Variants in CPNE4 observed in about 807,000 individuals in gnomAD.
CPNE4 encodes the protein copine-4.
Under a neutral mutation model 67.9 loss-of-function variants are expected in CPNE4, and 25 were observed. The observed-to-expected ratio is 0.37, with a 90% CI of 0.27 to 0.51. The LOEUF (loss-of-function observed/expected upper bound fraction) is 0.51, where lower values mean the gene tolerates loss of function less well. Among genes scored for constraint, CPNE4 ranks in the 20% least tolerant of loss-of-function variants. The pLI is 0.93. For synonymous variants in CPNE4, 242 were observed against 244.9 expected (o/e 0.99, Z 0.11); for missense variants, 464 against 690.8 (o/e 0.67, Z 3.68).
intron 5 of CPNE4, among the ~76,000 whole-genome samples, chr3:131,696,259 C>T (rs985456693): frequency 6.6e-6 from 1 of 152,078 alleles, no homozygotes; most frequent in African/African-American, 2.4e-5. Flanking sequence ...TTAGAATGTC[C>T]CTAGAAATGG....
chr3:131,662,205 C>T (rs758890571), intron 7 of CPNE4, among the ~76,000 whole-genome samples: 2 of 152,090 alleles, frequency 1.3e-5, no homozygotes, highest in African/African-American at 2.4e-5. Flanking sequence ...GGGGAAGTTC[C>T]GAGGCAAACT....
intron 3 of CPNE4, among the ~76,000 whole-genome samples, chr3:131,710,159 TTTGA>T (rs1190156354): frequency 6.6e-6 from 1 of 152,202 alleles, no homozygotes; most frequent in Non-Finnish European, 1.5e-5. Flanking sequence ...TATATTAGCT[TTTGA>T]TTATTATTGA....
chr3:131,850,732 G>A (rs531369711), intron 2 of CPNE4, among the ~76,000 whole-genome samples: 3 of 152,038 alleles, frequency 2.0e-5, no homozygotes, highest in Non-Finnish European at 4.4e-5. Context: ...AGGATATGCT[G>A]GGTAGTATTT....
At chr3:131,874,335 G>A (rs1226568625) in intron 2 of CPNE4, among the ~76,000 whole-genome samples, 1 of 152,106 alleles carries the variant, frequency 6.6e-6, no homozygotes, top group African/African-American at 2.4e-5. Flanking sequence ...TGATTCGCCC[G>A]CCTCGGCCTC....
chr3:131,641,938 T>C (rs1366816438), intron 7 of CPNE4, among the ~76,000 whole-genome samples: 1 of 152,166 alleles, frequency 6.6e-6, no homozygotes, highest in Non-Finnish European at 1.5e-5. Flanking sequence ...TTCTCATTCA[T>C]ATGTGGGAGC....
At chr3:131,805,788 A>G (rs538448755) in intron 2 of CPNE4, among the ~76,000 whole-genome samples, 6 of 152,354 alleles carry the variant, frequency 3.9e-5, no homozygotes, top group Admixed American at 3.3e-4. Context: ...CTCACGAGTT[A>G]TATAGTGACA....
rs562712234 is a variant in CPNE4, at chr3:131,746,012, C to T, written c.181-22387G>A. On this transcript the variant is annotated intron_variant, in intron 2 of 15. Coordinates refer to ENST00000429747, the MANE Select transcript of CPNE4 (RefSeq NM_130808.3). ...TTATTATTTTCAGTCTTTTAATCCACGAACATGGCATGTGTCTCTATTTAC... is the reference window on the plus strand; with the variant it reads ...TTATTATTTTCAGTCTTTTAATCCATGAACATGGCATGTGTCTCTATTTAC... Among the ~76,000 whole-genome samples, 41 of 152,156 alleles carry T rather than the reference C, an allele frequency of 2.7e-4. 1 individual carries two copies. In the Middle Eastern group the frequency reaches 0.024, roughly 88 times the overall value.
rs2080879278 is a variant in CPNE4 at position 131,685,927 on chromosome 3, T to G, written c.539A>C (p.Glu180Ala). The G allele has an allele frequency of 6.2e-7, 1 of 1,612,494 alleles. No homozygotes were observed. The highest frequency in any genetic ancestry group is 1.3e-5 in the African/African-American group (1 of 74,906). ...DFFSKSDPFL[E>A]IFRMNDDATQ... ...TGCATCATCATTCATACGAAAAATT[T>G]CCAGAAATGGGTCAGATTTACTGAA... The change falls in exon 6 of 16, where the codon GAA becomes GCA. Residue 180 changes from glutamate (E) to alanine (A), a missense_variant. By Grantham distance (107) the Glu-to-Ala change is moderately radical (BLOSUM62 -1). Transcript: ENST00000429747.
chr3:131,676,067 ATTAT>A (rs1176454483), intron 6 of CPNE4, among the ~76,000 whole-genome samples: 2 of 115,312 alleles, frequency 1.7e-5, no homozygotes, highest in Non-Finnish European at 3.6e-5. Flanking sequence ...TATTATTATT[ATTAT>A]TTGAGATGGA....
chr3:131,842,730 TAAAAAAAAAA>T (rs3041527), intron 2 of CPNE4, among the ~76,000 whole-genome samples: 2 of 121,840 alleles, frequency 1.6e-5, no homozygotes, highest in Non-Finnish European at 3.3e-5. Flanking sequence ...TATTCTGTTG[TAAAAAAAAAA>T]AAAAAAAAAG....
intron 11 of CPNE4, among the ~76,000 whole-genome samples, chr3:131,557,821 G>T (rs6768808): frequency 0.015 from 2,251 of 152,026 alleles, 52 homozygotes; most frequent in African/African-American, 0.049. Flanking sequence ...ATCTGTGCGG[G>T]GGATTTTAGG....
At chr3:131,537,847 A>G (rs537815623) in intron 15 of CPNE4, among the ~76,000 whole-genome samples, 1 of 152,150 alleles carries the variant, frequency 6.6e-6, no homozygotes, top group Non-Finnish European at 1.5e-5. Context: ...ATGAGCCCCT[A>G]ACTTCTAGCT....
chr3:131,939,850 G>A (rs142357114), intron 1 of CPNE4, among the ~76,000 whole-genome samples: 1 of 152,052 alleles, frequency 6.6e-6, no homozygotes, highest in Admixed American at 6.6e-5. Flanking sequence ...ACATACAGTA[G>A]CTATCTTTCA....
chr3:131,951,561 C>G (rs535659355), intron 1 of CPNE4, among the ~76,000 whole-genome samples: 5 of 149,194 alleles, frequency 3.4e-5, no homozygotes, highest in Admixed American at 3.3e-4. Context: ...CTCTCCCTCT[C>G]TTTCCACGGT....
At chr3:131,565,639 C>T (rs1401364954) in intron 10 of CPNE4, among the ~76,000 whole-genome samples, 1 of 151,882 alleles carries the variant, frequency 6.6e-6, no homozygotes, top group Non-Finnish European at 1.5e-5. Flanking sequence ...CATTTATAGG[C>T]TTTTTTCTTT....
intron 2 of CPNE4, among the ~76,000 whole-genome samples, chr3:131,806,969 G>A (rs2084340098): frequency 6.6e-6 from 1 of 152,178 alleles, no homozygotes; most frequent in African/African-American, 2.4e-5. Flanking sequence ...ATTCACACTA[G>A]AGGTTTACCA....
intron 7 of CPNE4, among the ~76,000 whole-genome samples, chr3:131,630,213 G>A (rs2079186230): frequency 6.6e-6 from 1 of 152,170 alleles, no homozygotes; most frequent in African/African-American, 2.4e-5. Context: ...GTCCCTTAGT[G>A]GCCATCTTGA....
chr3:131,800,834 C>T (rs1406662725), intron 2 of CPNE4, among the ~76,000 whole-genome samples: 1 of 152,138 alleles, frequency 6.6e-6, no homozygotes, highest in East Asian at 1.9e-4. Context: ...GCAGACATGC[C>T]TAACAGGCAA....
chr3:132,020,976 T>C (rs2073983035), intron 1 of CPNE4, among the ~76,000 whole-genome samples: 2 of 152,314 alleles, frequency 1.3e-5, no homozygotes, highest in South Asian at 4.1e-4. Context: ...CCCTTTTTTC[T>C]CTCCAGGTAA....
Sources: allele counts gnomAD v4.1 joint callset (sites outside exome capture counted in the v4.1 genomes callset), GRCh38; gene constraint gnomAD v4.1.1; transcripts MANE v1.5; gene names NCBI Gene and HGNC (gene_info 2026-07-23, HGNC 2026-07-21).